Variants in FAM120B observed in about 807,000 individuals in gnomAD.
FAM120B encodes constitutive coactivator of peroxisome proliferator-activated receptor gamma.
In FAM120B, 83 loss-of-function variants were observed where a neutral mutation model predicts 96.3. The ratio of observed to expected loss-of-function variants is 0.86; its 90% CI spans 0.72 to 1.03. The LOEUF is 1.03. Among genes scored for constraint, FAM120B ranks in the 50% least tolerant of loss-of-function variants. The pLI, the probability that FAM120B is intolerant of heterozygous loss-of-function variation, is 0.00. For synonymous variants in FAM120B, 407 were observed against 402.7 expected (o/e 1.01, Z -0.13); for missense variants, 1,027 against 1,121.2 (o/e 0.92, Z 1.20).
rs145144038 is a variant in FAM120B at position 170,328,203 on chromosome 6, C to G, written c.1916-2246C>G. ...TTCTTTCTTTATATCATTCTATAAGCCTTTTTCTATTAGAAAAATTTTTAA... is the reference window on the plus strand; with the variant it reads ...TTCTTTCTTTATATCATTCTATAAGGCTTTTTCTATTAGAAAAATTTTTAA... On this transcript the variant is annotated intron_variant, in intron 3 of 10. Coordinates refer to ENST00000476287, the MANE Select transcript of FAM120B (RefSeq NM_032448.3). Among the ~76,000 whole-genome samples, 25 of 152,294 alleles carry G rather than the reference C, an allele frequency of 1.6e-4. 1 individual carries two copies. The Middle Eastern group carries it at 0.014, about 83-fold the overall frequency.
chr6:170,327,814 T>G (rs1010139875), intron 3 of FAM120B, among the ~76,000 whole-genome samples: 1 of 151,110 alleles, frequency 6.6e-6, no homozygotes, highest in Non-Finnish European at 1.5e-5. Flanking sequence ...TTATACACAC[T>G]GCACACGCAG....
chr6:170,385,370 A>T (rs202002251), intron 6 of FAM120B, among the ~76,000 whole-genome samples: 12 of 137,304 alleles, frequency 8.7e-5, no homozygotes, highest in Non-Finnish European at 1.5e-4. Context: ...AATATACTTT[A>T]AAAAAAAGGC....
At chr6:170,326,414 C>T (rs966358096) in intron 3 of FAM120B, among the ~76,000 whole-genome samples, 10 of 152,160 alleles carry the variant, frequency 6.6e-5, no homozygotes, top group Admixed American at 1.3e-4. Flanking sequence ...CTGGCAACTG[C>T]GAATCTGTTT....
At chr6:170,345,450 A>T (rs1462944756) in intron 4 of FAM120B, among the ~76,000 whole-genome samples, 1 of 152,192 alleles carries the variant, frequency 6.6e-6, no homozygotes, top group African/African-American at 2.4e-5. Flanking sequence ...AAAAAAGGGA[A>T]AGAACTCCTG....
Position 170,318,207 on chromosome 6 carries a change from A to G in FAM120B, c.817A>G (p.Lys273Glu), listed in dbSNP as rs752285887. Residue 273 changes from lysine (K) to glutamate (E), a missense_variant, in exon 2 of 11, where the codon AAA (lysine) becomes GAA (glutamate). By Grantham distance (56) the Lys-to-Glu change is moderately conservative. Transcript: ENST00000476287. ...IILAVSDHISKVLYLYQGEKK... is the reference protein window; with the variant it reads ...IILAVSDHISEVLYLYQGEKK... ...ATTAGCTGTGTCAGACCATATATCGAAAGTTCTTTACTTGTATCAAGGTGA... is the reference window on the plus strand; with the variant it reads ...ATTAGCTGTGTCAGACCATATATCGGAAGTTCTTTACTTGTATCAAGGTGA... 2 of 1,613,986 alleles carry G rather than the reference A, an allele frequency of 1.2e-6. No homozygotes were observed. Among genetic ancestry groups the G allele is most frequent in the Non-Finnish European group, 1.7e-6 (2 of 1,179,976 alleles).
At position 170,390,987 on chromosome 6, in the gene FAM120B, C is replaced by T. The variant is rs373543679; in HGVS notation, c.2491-26C>T. On this transcript the variant is annotated intron_variant, in intron 7 of 10. Coordinates refer to ENST00000476287, the MANE Select transcript of FAM120B (RefSeq NM_032448.3). ...CTTTGCCACATCTGGCCCCTCACAT[C>T]TCATTTGCATCTGGTCTGTTTGCAG... 5 of 1,601,196 alleles carry T rather than the reference C, an allele frequency of 3.1e-6. No individual in the cohort carries two copies. In the South Asian group the frequency reaches 4.4e-5, roughly 14 times the overall value.
At chr6:170,355,903 CA>C (rs1218389871) in intron 5 of FAM120B, among the ~76,000 whole-genome samples, 1 of 152,154 alleles carries the variant, frequency 6.6e-6, no homozygotes, top group Non-Finnish European at 1.5e-5. Flanking sequence ...TTTTCCCACC[CA>C]TAAAAATACA....
chr6:170,332,875 CA>C (rs1786151153), intron 4 of FAM120B, among the ~76,000 whole-genome samples: 1 of 152,088 alleles, frequency 6.6e-6, no homozygotes, highest in Non-Finnish European at 1.5e-5. Flanking sequence ...GCTACATTTT[CA>C]GTGAATTTTT....
rs9366138 is a variant in FAM120B, at chr6:170,318,709, A to G, written c.1319A>G (p.Tyr440Cys). 0.14 allele frequency: 216,325 copies of G among 1,594,420 alleles called. 15,720 individuals carry two copies. Among genetic ancestry groups the G allele is most frequent in the East Asian group, 0.21 (8,717 of 41,384 alleles). ...GAACCCAGGCAAGAAGTTCCCATGT[A>G]TACAGACTCTGAACCCAGGCAAGAA... The part of the protein sequence containing the change: ...DSEPRQEVPM[Y>C]TDSEPRQEVP... Residue 440 changes from tyrosine (Y) to cysteine (C), a missense_variant, in exon 2 of 11, where the codon TAT (tyrosine) becomes TGT (cysteine). By Grantham distance (194) the Tyr-to-Cys change is radical (BLOSUM62 -2). Around this residue, in one of 3 missense-constraint regions of FAM120B, gnomAD observed 880 missense variants for 980.9 expected, o/e 0.90. Transcript: ENST00000476287.
At chr6:170,398,341 T>A (rs61601985) in intron 9 of FAM120B, among the ~76,000 whole-genome samples, 2 of 152,010 alleles carry the variant, frequency 1.3e-5, no homozygotes, top group East Asian at 1.9e-4. Flanking sequence ...ATGTCATAAC[T>A]CTTAGGAGTG....
At chr6:170,292,012 T>A (rs1201373495), upstream of FAM120B, among the ~76,000 whole-genome samples, 1 of 152,176 alleles carries the variant, frequency 6.6e-6, no homozygotes, top group Non-Finnish European at 1.5e-5. This position sits in a 1 kb window ranked among gnomAD's most constrained non-coding sequence, Gnocchi z 6.6. Flanking sequence ...TGTGCGAGGC[T>A]GAATCAGTGG....
chr6:170,355,448 C>T (rs1239223113), intron 5 of FAM120B, among the ~76,000 whole-genome samples: 2 of 152,122 alleles, frequency 1.3e-5, no homozygotes, highest in African/African-American at 4.8e-5. Context: ...TCATTATCCT[C>T]AGCAAACAAA....
chr6:170,336,650 C>A (rs1020192341), intron 4 of FAM120B, among the ~76,000 whole-genome samples: 2 of 152,098 alleles, frequency 1.3e-5, no homozygotes, highest in African/African-American at 4.8e-5. Flanking sequence ...GATATTAATT[C>A]TTCCTATCCA....
chr6:170,299,076 G>C (rs969455127), intron 1 of FAM120B, among the ~76,000 whole-genome samples: 1 of 152,220 alleles, frequency 6.6e-6, no homozygotes, highest in Non-Finnish European at 1.5e-5. Flanking sequence ...AGACTTTCTT[G>C]CTTTTCCATT....
intron 7 of FAM120B, among the ~76,000 whole-genome samples, chr6:170,390,350 A>T (rs1790418248): frequency 6.6e-6 from 1 of 152,218 alleles, no homozygotes; most frequent in Non-Finnish European, 1.5e-5. Context: ...TAAGTATTGG[A>T]AAGTAGACTG....
chr6:170,382,900 C>A (rs1003196203), intron 6 of FAM120B, among the ~76,000 whole-genome samples: 2 of 152,108 alleles, frequency 1.3e-5, no homozygotes, highest in East Asian at 3.8e-4. Context: ...ACATACCTTG[C>A]TATATAACTG....
chr6:170,400,541 G>C (rs1021226618), intron 9 of FAM120B, among the ~76,000 whole-genome samples: 3 of 152,134 alleles, frequency 2.0e-5, no homozygotes, highest in African/African-American at 7.2e-5. Flanking sequence ...GCCCTTAGGG[G>C]ATCCCTGGAC....
intron 1 of FAM120B, among the ~76,000 whole-genome samples, chr6:170,297,468 A>G (rs767329204): frequency 1.5e-4 from 23 of 152,258 alleles, no homozygotes; most frequent in Admixed American, 7.8e-4. Context: ...AAATATATTA[A>G]TCTGTACTCC....
intron 4 of FAM120B, among the ~76,000 whole-genome samples, chr6:170,342,573 GT>G (rs1388121704): frequency 6.6e-6 from 1 of 152,206 alleles, no homozygotes; most frequent in Non-Finnish European, 1.5e-5. Context: ...CAGGGGCCAA[GT>G]CCTCCAGACA....
Sources: allele counts gnomAD v4.1 joint callset (sites outside exome capture counted in the v4.1 genomes callset), GRCh38; gene constraint gnomAD v4.1.1; regional missense constraint gnomAD v4.1.1; non-coding constraint Gnocchi (gnomAD v3.1); transcripts MANE v1.5; gene names NCBI Gene and HGNC (gene_info 2026-07-23, HGNC 2026-07-21).